Variants in CR1 observed in about 807,000 individuals in gnomAD.
CR1 encodes the protein complement C3b/C4b receptor 1 (Knops blood group), also known as complement receptor type 1.
Under a neutral mutation model 187.3 loss-of-function variants are expected in CR1, and 116 were observed. That is an observed-to-expected ratio of 0.62 (90% CI 0.53 to 0.72). The LOEUF (loss-of-function observed/expected upper bound fraction) is 0.72. CR1 is among the 30% of genes least tolerant of loss of function. CR1 has a pLI of 0.00. For missense variants in CR1, 1,731 were observed against 2,110.7 expected (o/e 0.82, Z 3.52); for synonymous variants, 576 against 747.1 (o/e 0.77, Z 3.73).
intron 35 of CR1, among the ~76,000 whole-genome samples, chr1:207,605,525 GT>G (rs34960892): frequency 0.4 from 60,606 of 151,848 alleles, 16,548 homozygotes; most frequent in African/African-American, 0.77. Context: ...TATTCACTGT[GT>G]TTTTTTCAGC....
chr1:207,521,528 C>T lies in CR1; in HGVS notation c.488-2083C>T, dbSNP rs1312854143. On this transcript the variant is annotated intron_variant, in intron 4 of 46. Coordinates refer to ENST00000367049, the MANE Select transcript of CR1 (RefSeq NM_000651.6). The stretch of plus-strand genomic sequence containing the variant: ...CGGTTCATTGATTTTCTTTCAGAGT[C>T]TAACCTGCTATTAATCTCACACAAA... Among the ~76,000 whole-genome samples, 10 of 150,810 alleles carry T rather than the reference C, an allele frequency of 6.6e-5. No individual in the cohort carries two copies. The East Asian group carries it at 1.9e-3, about 29-fold the overall frequency.
At chr1:207,600,326 C>T (rs1190814478) in intron 35 of CR1, among the ~76,000 whole-genome samples, 12 of 152,054 alleles carry the variant, frequency 7.9e-5, no homozygotes, top group Admixed American at 7.9e-4. Flanking sequence ...TCAGATTGGG[C>T]AAATAAGTGA....
At chr1:207,622,240 C>A (rs1303232411) in intron 44 of CR1, among the ~76,000 whole-genome samples, 1 of 152,064 alleles carries the variant, frequency 6.6e-6, no homozygotes, top group Non-Finnish European at 1.5e-5. Context: ...ATCTTTGAAC[C>A]ATTACAAATG....
chr1:207,506,590 A>C, intron 2 of CR1, 124 bp from the exon 3 acceptor site: 4 of 782,656 alleles, frequency 5.1e-6, no homozygotes, highest in Non-Finnish European at 8.4e-6. Context: ...AGGTAGCAAA[A>C]TCTGTGGAAC....
At chr1:207,625,402 A>G (rs1241297975) in intron 45 of CR1, among the ~76,000 whole-genome samples, 1 of 152,236 alleles carries the variant, frequency 6.6e-6, no homozygotes, top group Non-Finnish European at 1.5e-5. Flanking sequence ...TGTAACCCAC[A>G]CTAAAACCTA....
At position 207,618,229 on chromosome 1, in the gene CR1, T is replaced by C. The variant is rs764100771; in HGVS notation, c.7048T>C (p.Leu2350=). 17 of 1,613,526 alleles carry C rather than the reference T, an allele frequency of 1.1e-5. No homozygotes were observed. Among genetic ancestry groups the C allele is most frequent in the Admixed American group, 6.7e-5 (4 of 59,996 alleles). ...FCTDQGIWSQ[L]DHYCKEVNCS... is the part of the protein sequence containing the mutation. ...TACAGACCAGGGAATCTGGAGCCAATTGGATCATTATTGCAAAGGTGACTT... is the reference window on the plus strand; with the variant it reads ...TACAGACCAGGGAATCTGGAGCCAACTGGATCATTATTGCAAAGGTGACTT... The change falls in exon 42 of 47, where the codon TTG becomes CTG. Residue 2350 remains leucine, a synonymous_variant. Coordinates refer to ENST00000367049, the MANE Select transcript of CR1 (RefSeq NM_000651.6).
At chr1:207,626,920 C>T (rs1223887760) in intron 45 of CR1, among the ~76,000 whole-genome samples, 2 of 152,142 alleles carry the variant, frequency 1.3e-5, no homozygotes, top group Non-Finnish European at 1.5e-5. Flanking sequence ...TGCCTGTAGT[C>T]CCAGCTACTC....
chr1:207,623,375 G>A (rs1270066593), intron 45 of CR1, among the ~76,000 whole-genome samples: 1 of 151,984 alleles, frequency 6.6e-6, no homozygotes. Context: ...AGAGGCCAGG[G>A]GTTCGAGACC....
At chr1:207,625,600 G>A (rs942935033) in intron 45 of CR1, among the ~76,000 whole-genome samples, 2 of 152,214 alleles carry the variant, frequency 1.3e-5, no homozygotes, top group African/African-American at 4.8e-5. Context: ...CCAGTCACGT[G>A]GAAGAACTGG....
chr1:207,623,215 C>G (rs1008386279), intron 45 of CR1, 147 bp downstream of exon 45: 6 of 596,168 alleles, frequency 1.0e-5, no homozygotes, highest in African/African-American at 9.4e-5. Context: ...ACAGTATAGA[C>G]AAAGAGGTAT....
At chr1:207,606,361 T>A (rs190630430) in intron 35 of CR1, 1 of 152,228 alleles carries the variant, frequency 6.6e-6, no homozygotes, top group Non-Finnish European at 1.5e-5. Context: ...AATGGCCCAG[T>A]TAAAAATAGA....
At chr1:207,566,633 T>A (rs1199170824) in intron 24 of CR1, among the ~76,000 whole-genome samples, 1 of 150,168 alleles carries the variant, frequency 6.7e-6, no homozygotes, top group Non-Finnish European at 1.5e-5. Flanking sequence ...AGTTTGAGAC[T>A]CCTTAAATTC....
At chr1:207,524,131 A>G in intron 5 of CR1, 122 bp downstream of exon 5, 2 of 1,583,634 alleles carry the variant, frequency 1.3e-6, no homozygotes, top group East Asian at 2.3e-5. Context: ...CAAATTTTCT[A>G]GGTAGTGAAC....
chr1:207,605,228 CCAG>C (rs1372319533), intron 35 of CR1, among the ~76,000 whole-genome samples: 1 of 149,198 alleles, frequency 6.7e-6, no homozygotes, highest in African/African-American at 2.5e-5. Flanking sequence ...TCACTGCACT[CCAG>C]CCTGGGTGAT....
At chr1:207,630,663 C>T in intron 46 of CR1, 42 bp downstream of exon 46, 1 of 1,357,178 alleles carries the variant, frequency 7.4e-7, no homozygotes, top group South Asian at 1.4e-5. Flanking sequence ...TTCAACAACT[C>T]AAATATCAAA....
chr1:207,612,608 G>T (rs901541135), intron 39 of CR1, among the ~76,000 whole-genome samples: 3 of 152,224 alleles, frequency 2.0e-5, no homozygotes, highest in Non-Finnish European at 4.4e-5. Flanking sequence ...GGCCTTGCTT[G>T]GGCCCAGGCT....
chr1:207,585,831 C>T (rs1406367310), intron 33 of CR1, among the ~76,000 whole-genome samples: 1 of 152,020 alleles, frequency 6.6e-6, no homozygotes, highest in Non-Finnish European at 1.5e-5. Context: ...GGAGTTCAGA[C>T]TCTATTTGAA....
chr1:207,513,740 C>T (rs1659694924), intron 4 of CR1, among the ~76,000 whole-genome samples: 1 of 102,018 alleles, frequency 9.8e-6, no homozygotes, highest in Admixed American at 1.0e-4. Flanking sequence ...CCTTTCCTCC[C>T]TCCCTCCCTC....
At chr1:207,603,372 T>C (rs1661660866) in intron 35 of CR1, among the ~76,000 whole-genome samples, 1 of 152,038 alleles carries the variant, frequency 6.6e-6, no homozygotes, top group Non-Finnish European at 1.5e-5. Context: ...AGTGTAATTA[T>C]GTTGTAATTT....
Sources: allele counts gnomAD v4.1 joint callset (sites outside exome capture counted in the v4.1 genomes callset), GRCh38; gene constraint gnomAD v4.1.1; transcripts MANE v1.5; gene names NCBI Gene and HGNC (gene_info 2026-07-23, HGNC 2026-07-21).